Variants in ARB2A observed in about 807,000 individuals in gnomAD.
ARB2A encodes the protein ARB2 cotranscriptional regulator A.
chr5:93,950,996 T>C, the ARB2A span, among the ~76,000 whole-genome samples: 1 of 151,232 alleles, frequency 6.6e-6, no homozygotes, highest in African/African-American at 2.4e-5. Flanking sequence ...TAATAGTATA[T>C]AAATAAAATA....
the ARB2A span, among the ~76,000 whole-genome samples, chr5:93,644,493 C>T: frequency 6.6e-6 from 1 of 152,160 alleles, no homozygotes; most frequent in Admixed American, 6.5e-5. Context: ...CAATTATCCA[C>T]TGTTGATCAA....
chr5:93,762,797 G>A, the ARB2A span, among the ~76,000 whole-genome samples: 187 of 152,356 alleles, frequency 1.2e-3, 1 homozygote, highest in African/African-American at 4.3e-3. Flanking sequence ...AGAGCAGCCA[G>A]AGAGAAAGGG....
At chr5:94,068,666 AC>A in the ARB2A span, among the ~76,000 whole-genome samples, 1 of 151,930 alleles carries the variant, frequency 6.6e-6, no homozygotes, top group Non-Finnish European at 1.5e-5. Flanking sequence ...AGCCCTCTTT[AC>A]TACCTGATTG....
chr5:94,096,230 T>C, the ARB2A span, among the ~76,000 whole-genome samples: 1 of 152,238 alleles, frequency 6.6e-6, no homozygotes, highest in African/African-American at 2.4e-5. Flanking sequence ...TCACATTTTT[T>C]ACTTGCCTCA....
At chr5:93,854,403 C>G in the ARB2A span, among the ~76,000 whole-genome samples, 1 of 152,124 alleles carries the variant, frequency 6.6e-6, no homozygotes, top group African/African-American at 2.4e-5. Flanking sequence ...CTTCAAAAAA[C>G]CAGCTCCTAG....
chr5:93,740,912 C>A, the ARB2A span: 3 of 1,614,002 alleles, frequency 1.9e-6, no homozygotes, highest in Admixed American at 1.7e-5. Context: ...ATTCGTCGCT[C>A]TCTGCTTGCC....
chr5:93,965,615 T>C, the ARB2A span, among the ~76,000 whole-genome samples: 105 of 152,118 alleles, frequency 6.9e-4, no homozygotes, highest in African/African-American at 2.4e-3. Context: ...AAAACAAATA[T>C]TAAATAGATG....
the ARB2A span, chr5:94,074,745 T>C: frequency 2.7e-5 from 44 of 1,610,622 alleles, no homozygotes; most frequent in East Asian, 8.9e-5. Context: ...CTCAAGGAAA[T>C]AGACATCAAT....
At chr5:94,056,865 C>T in the ARB2A span, among the ~76,000 whole-genome samples, 1 of 152,158 alleles carries the variant, frequency 6.6e-6, no homozygotes, top group Admixed American at 6.5e-5. Flanking sequence ...AAATATTATT[C>T]TGGGTGTGAC....
At chr5:93,672,273 TA>T in the ARB2A span, among the ~76,000 whole-genome samples, 1 of 152,042 alleles carries the variant, frequency 6.6e-6, no homozygotes, top group Admixed American at 6.6e-5. Flanking sequence ...GCAGTAGTCT[TA>T]AAAAAGTAGT....
At chr5:93,881,225 G>T in the ARB2A span, 1 of 323,856 alleles carries the variant, frequency 3.1e-6, no homozygotes, top group Non-Finnish European at 5.7e-6. Context: ...TCTTGAGGTA[G>T]TATATGACAC....
chr5:93,872,132 G>C, the ARB2A span, among the ~76,000 whole-genome samples: 2 of 151,852 alleles, frequency 1.3e-5, no homozygotes, highest in African/African-American at 2.4e-5. Flanking sequence ...ATTTTTAGTA[G>C]AGACGGTGTT....
chr5:94,110,307 A>G, the ARB2A span, among the ~76,000 whole-genome samples: 1 of 152,248 alleles, frequency 6.6e-6, no homozygotes, highest in Non-Finnish European at 1.5e-5. Flanking sequence ...CTGTCTTCCC[A>G]TCACCTGAAC....
chr5:93,673,588 A>G, the ARB2A span, among the ~76,000 whole-genome samples: 4 of 152,192 alleles, frequency 2.6e-5, 1 homozygote, highest in Admixed American at 2.0e-4. Context: ...CAAACAGCCC[A>G]TAGAGAGTTC....
chr5:93,775,992 A>T, the ARB2A span, among the ~76,000 whole-genome samples: 1 of 152,248 alleles, frequency 6.6e-6, no homozygotes, highest in Non-Finnish European at 1.5e-5. Flanking sequence ...AAGCTACTTA[A>T]CAAATATGTG....
the ARB2A span, among the ~76,000 whole-genome samples, chr5:93,947,879 G>C: frequency 6.6e-6 from 1 of 151,698 alleles, no homozygotes; most frequent in African/African-American, 2.4e-5. Context: ...GTATTCCATG[G>C]TGTATATGTG....
the ARB2A span, among the ~76,000 whole-genome samples, chr5:93,959,543 A>G: frequency 6.6e-6 from 1 of 152,092 alleles, no homozygotes; most frequent in Non-Finnish European, 1.5e-5. Context: ...ATACCACTAA[A>G]CTTTTAAGGG....
chr5:94,063,013 T>A, the ARB2A span, among the ~76,000 whole-genome samples: 1 of 152,190 alleles, frequency 6.6e-6, no homozygotes, highest in Non-Finnish European at 1.5e-5. Context: ...CATTTATCTA[T>A]GGCTAGAGCC....
chr5:93,868,556 A>C, the ARB2A span, among the ~76,000 whole-genome samples: 2 of 152,214 alleles, frequency 1.3e-5, no homozygotes, highest in African/African-American at 4.8e-5. Context: ...CCTATAGACA[A>C]GCTGAAATCA....
Sources: allele counts gnomAD v4.1 joint callset (sites outside exome capture counted in the v4.1 genomes callset), GRCh38; gene constraint gnomAD v4.1.1; transcripts MANE v1.5; gene names NCBI Gene and HGNC (gene_info 2026-07-23, HGNC 2026-07-21).